The following SGCD variants were observed in gnomAD, a reference collection of about 807,000 sequenced individuals.
The protein encoded by SGCD is sarcoglycan delta, also known as delta-sarcoglycan.
In SGCD, 18 loss-of-function variants were observed where a neutral mutation model predicts 36.6. The ratio of observed to expected loss-of-function variants is 0.49; its 90% CI spans 0.34 to 0.73. The LOEUF is 0.73. Among genes scored for constraint, SGCD ranks in the 30% least tolerant of loss-of-function variants. The pLI, the probability that SGCD is intolerant of heterozygous loss-of-function variation, is 0.01. For synonymous variants in SGCD, 133 were observed against 130.6 expected (o/e 1.02, Z -0.12); for missense variants, 387 against 346.7 (o/e 1.12, Z -0.92).
At chr5:156,736,897 A>C (rs1435027139) in intron 7 of SGCD, among the ~76,000 whole-genome samples, 1 of 152,176 alleles carries the variant, frequency 6.6e-6, no homozygotes, top group Non-Finnish European at 1.5e-5. Context: ...CCCTACTGAG[A>C]CCAACACCAG....
chr5:156,396,823 A>G (rs1038510263), intron 3 of SGCD, among the ~76,000 whole-genome samples: 2 of 152,182 alleles, frequency 1.3e-5, no homozygotes, highest in African/African-American at 2.4e-5. Context: ...AGAAGGACCT[A>G]CTATTGTGAT....
At chr5:155,733,833 C>T in the SGCD span, among the ~76,000 whole-genome samples, 19 of 152,018 alleles carry the variant, frequency 1.2e-4, no homozygotes, top group African/African-American at 4.6e-4. Context: ...TCCATTTCTT[C>T]ATGTACAAGT....
At chr5:156,127,480 C>T (rs568468966) in intron 3 of SGCD, among the ~76,000 whole-genome samples, 3 of 151,890 alleles carry the variant, frequency 2.0e-5, no homozygotes, top group Non-Finnish European at 4.4e-5. Context: ...AGCCAGGCAT[C>T]GTAGCATGTA....
chr5:156,490,363 G>A (rs562351856), intron 3 of SGCD, among the ~76,000 whole-genome samples: 326 of 152,034 alleles, frequency 2.1e-3, no homozygotes, highest in African/African-American at 5.9e-3. Context: ...TATGAGGGCA[G>A]CATTACCCTG....
the SGCD span, among the ~76,000 whole-genome samples, chr5:155,734,417 A>G: frequency 0.047 from 7,063 of 151,772 alleles, 517 homozygotes; most frequent in African/African-American, 0.16. Flanking sequence ...TTGCCATGTT[A>G]CCCAGGCTAG....
chr5:156,562,997 G>T (rs1194101794), intron 4 of SGCD, among the ~76,000 whole-genome samples: 2 of 151,906 alleles, frequency 1.3e-5, no homozygotes, highest in African/African-American at 4.8e-5. Flanking sequence ...ATTATTTTGA[G>T]ACGGAGTTTT....
chr5:156,091,678 A>G (rs1334548570), intron 1 of SGCD, among the ~76,000 whole-genome samples: 1 of 152,246 alleles, frequency 6.6e-6, no homozygotes, highest in East Asian at 1.9e-4. Context: ...ACAGTGTAAC[A>G]GGGTTTAAAG....
intron 3 of SGCD, among the ~76,000 whole-genome samples, chr5:156,348,813 A>T (rs181652203): frequency 6.6e-6 from 1 of 152,202 alleles, no homozygotes; most frequent in South Asian, 2.1e-4. Flanking sequence ...AAGCAAAAAG[A>T]TCAAATCTGA....
chr5:155,799,824 T>C, the SGCD span, among the ~76,000 whole-genome samples: 2 of 139,646 alleles, frequency 1.4e-5, no homozygotes, highest in Non-Finnish European at 3.1e-5. Context: ...TTTTTTTTTT[T>C]TTTTTTTTTT....
intron 1 of SGCD, among the ~76,000 whole-genome samples, chr5:155,941,597 A>G (rs1445213421): frequency 6.6e-6 from 1 of 151,464 alleles, no homozygotes; most frequent in Non-Finnish European, 1.5e-5. Context: ...AATAACTATA[A>G]TTACATTGCC....
chr5:156,631,455 A>C (rs1762628140), intron 6 of SGCD, among the ~76,000 whole-genome samples: 1 of 145,778 alleles, frequency 6.9e-6, no homozygotes. Context: ...GGGTTTTGAC[A>C]CTTGCTTTTT....
At chr5:156,434,744 T>G (rs1753173954) in intron 3 of SGCD, among the ~76,000 whole-genome samples, 1 of 152,182 alleles carries the variant, frequency 6.6e-6, no homozygotes, top group African/African-American at 2.4e-5. Flanking sequence ...GTCACAAACA[T>G]GCACCGGTGA....
At chr5:156,145,946 G>A (rs1031332387) in intron 3 of SGCD, among the ~76,000 whole-genome samples, 10 of 152,206 alleles carry the variant, frequency 6.6e-5, no homozygotes, top group East Asian at 1.9e-4. Context: ...AGGCGTGGTG[G>A]CTCATGCCTG....
chr5:155,866,908 T>G (rs561288586), upstream of SGCD, among the ~76,000 whole-genome samples: 1 of 152,218 alleles, frequency 6.6e-6, no homozygotes, highest in Admixed American at 6.5e-5. Context: ...AGTGTAAACT[T>G]GATTATTCAA....
At chr5:156,296,737 G>C (rs1766901909) in intron 3 of SGCD, among the ~76,000 whole-genome samples, 1 of 152,072 alleles carries the variant, frequency 6.6e-6, no homozygotes. Context: ...AATGTTGGAG[G>C]AGCATCTGAG....
chr5:155,754,636 G>A, the SGCD span, among the ~76,000 whole-genome samples: 5 of 152,198 alleles, frequency 3.3e-5, no homozygotes, highest in Non-Finnish European at 7.3e-5. Flanking sequence ...CAGTTATAAG[G>A]TGGAACATTA....
intron 6 of SGCD, among the ~76,000 whole-genome samples, chr5:156,611,527 GC>G (rs541636825): frequency 6.6e-4 from 100 of 152,234 alleles, no homozygotes; most frequent in African/African-American, 2.3e-3. Flanking sequence ...TTTTCTTAAA[GC>G]TTTTAGAATT....
intron 3 of SGCD, among the ~76,000 whole-genome samples, chr5:156,421,045 C>A (rs1773281512): frequency 6.6e-6 from 1 of 151,718 alleles, no homozygotes; most frequent in South Asian, 2.1e-4. Context: ...AAATCAAATG[C>A]TTATTTAGCA....
At chr5:156,404,390 C>T (rs1172192465) in intron 3 of SGCD, among the ~76,000 whole-genome samples, 1 of 152,202 alleles carries the variant, frequency 6.6e-6, no homozygotes. Flanking sequence ...GGAGCCAGAG[C>T]AAGGGGTTCA....
Sources: gnomAD v4.1 joint callset for allele counts (sites outside exome capture counted in the v4.1 genomes callset) on GRCh38, gnomAD v4.1.1 for gene constraint, MANE v1.5 for transcripts, NCBI Gene and HGNC (gene_info 2026-07-23, HGNC 2026-07-21) for gene names.